The following FTCDNL1 variants were observed in gnomAD, a reference collection of about 807,000 sequenced individuals.
The protein encoded by FTCDNL1 is formiminotransferase N-terminal subdomain-containing protein.
FTCDNL1 carries 11 observed loss-of-function variants against 5.9 expected under a neutral mutation model. The ratio of observed to expected loss-of-function variants is 1.87; its 90% CI spans 1.18 to 3.10. The LOEUF is 3.10. FTCDNL1 is among the 30% of genes most tolerant of loss of function. The probability of loss-of-function intolerance (pLI) is 0.00; values close to 1 mark genes in which losing one functional copy is unlikely to be tolerated. For synonymous variants in FTCDNL1, 58 were observed against 24.8 expected (o/e 2.34, Z -3.99); for missense variants, 115 against 65.5 (o/e 1.76, Z -2.61).
chr2:199,782,428 A>G (rs1223035447), intron 3 of FTCDNL1, among the ~76,000 whole-genome samples: 1 of 152,144 alleles, frequency 6.6e-6, no homozygotes, highest in Non-Finnish European at 1.5e-5. Flanking sequence ...CCATCACCCC[A>G]CTATGTTCTT....
chr2:199,830,976 T>C (rs1380760485), intron 3 of FTCDNL1, among the ~76,000 whole-genome samples: 1 of 152,228 alleles, frequency 6.6e-6, no homozygotes, highest in Admixed American at 6.5e-5. Flanking sequence ...CTGTTTTTTC[T>C]TGAGGTAGCA....
At chr2:199,760,473 A>C (rs1698219523), downstream of FTCDNL1, 2 of 236,544 alleles carry the variant, frequency 8.5e-6, no homozygotes. Flanking sequence ...TAAACCAAAC[A>C]AACACAAATG....
At chr2:199,684,665 A>C in the FTCDNL1 span, among the ~76,000 whole-genome samples, 204 of 152,320 alleles carry the variant, frequency 1.3e-3, no homozygotes, top group Non-Finnish European at 2.2e-3. Flanking sequence ...ACAACATTGC[A>C]TAAGAACGTT....
chr2:199,826,021 A>G (rs911782780), intron 3 of FTCDNL1, among the ~76,000 whole-genome samples: 1 of 152,234 alleles, frequency 6.6e-6, no homozygotes, highest in Non-Finnish European at 1.5e-5. Flanking sequence ...GGGCTGCTGC[A>G]GTAGCCTAAA....
At chr2:199,705,925 A>C in the FTCDNL1 span, among the ~76,000 whole-genome samples, 1 of 152,202 alleles carries the variant, frequency 6.6e-6, no homozygotes, top group East Asian at 1.9e-4. Flanking sequence ...CTGGCTAACC[A>C]GGTGGTATGA....
intron 4 of FTCDNL1, among the ~76,000 whole-genome samples, chr2:199,817,995 A>T (rs1338112503): frequency 6.6e-6 from 1 of 152,216 alleles, no homozygotes; most frequent in South Asian, 2.1e-4. Context: ...TATGATTTTT[A>T]TATCAGGTTA....
At chr2:199,728,085 T>C in the FTCDNL1 span, among the ~76,000 whole-genome samples, 2 of 152,214 alleles carry the variant, frequency 1.3e-5, no homozygotes, top group Admixed American at 6.5e-5. Flanking sequence ...TGACTTCCTT[T>C]TAGGGACAGT....
intron 3 of FTCDNL1, among the ~76,000 whole-genome samples, chr2:199,768,312 T>TATATTC (rs55749109): frequency 0.46 from 69,579 of 151,664 alleles, 18,054 homozygotes; most frequent in East Asian, 0.72. Flanking sequence ...ATGAGCTTCT[T>TATATTC]ATAAGAACAC....
chr2:199,779,675 T>C (rs1311740264), intron 3 of FTCDNL1, among the ~76,000 whole-genome samples: 1 of 152,114 alleles, frequency 6.6e-6, no homozygotes, highest in Non-Finnish European at 1.5e-5. Context: ...AGCAAGGACA[T>C]AAGGACAATC....
At chr2:199,828,741 T>G (rs138899980) in intron 3 of FTCDNL1, among the ~76,000 whole-genome samples, 14 of 152,354 alleles carry the variant, frequency 9.2e-5, no homozygotes, top group African/African-American at 3.4e-4. Flanking sequence ...CAGAAGGCAG[T>G]GCCTTCTAGT....
At chr2:199,806,337 C>G (rs184554015), downstream of FTCDNL1, among the ~76,000 whole-genome samples, 224 of 152,324 alleles carry the variant, frequency 1.5e-3, no homozygotes, top group African/African-American at 5.1e-3. Flanking sequence ...GGGCTGTTCT[C>G]TGAAGTTTCT....
At chr2:199,686,774 T>C in the FTCDNL1 span, among the ~76,000 whole-genome samples, 1 of 152,174 alleles carries the variant, frequency 6.6e-6, no homozygotes, top group African/African-American at 2.4e-5. Flanking sequence ...GGTTATTACA[T>C]AGATAACAAA....
chr2:199,728,454 T>G, the FTCDNL1 span, among the ~76,000 whole-genome samples: 3 of 152,088 alleles, frequency 2.0e-5, no homozygotes, highest in African/African-American at 7.2e-5. Context: ...TTCACTGTGT[T>G]GGTCAGGATG....
At chr2:199,765,872 C>A (rs898984484) in intron 3 of FTCDNL1, among the ~76,000 whole-genome samples, 1 of 151,952 alleles carries the variant, frequency 6.6e-6, no homozygotes, top group East Asian at 1.9e-4. Context: ...AGCCCACCTG[C>A]TGTGGTTGTG....
At chr2:199,803,191 CAAAAAAAAAAA>C (rs71403491) in intron 3 of FTCDNL1, among the ~76,000 whole-genome samples, 3 of 70,652 alleles carry the variant, frequency 4.2e-5, no homozygotes, top group African/African-American at 1.8e-4. Context: ...AATACCGTCT[CAAAAAAAAAAA>C]AAAAAAAAAA....
chr2:199,738,731 A>C, the FTCDNL1 span, among the ~76,000 whole-genome samples: 1 of 152,218 alleles, frequency 6.6e-6, no homozygotes, highest in Non-Finnish European at 1.5e-5. Flanking sequence ...TTTGGTGTGA[A>C]TGCTGAATTC....
At chr2:199,709,019 A>T in the FTCDNL1 span, among the ~76,000 whole-genome samples, 1 of 152,116 alleles carries the variant, frequency 6.6e-6, no homozygotes, top group African/African-American at 2.4e-5. Flanking sequence ...CCTGTTCCCC[A>T]AGTGAAAATC....
intron 3 of FTCDNL1, among the ~76,000 whole-genome samples, chr2:199,798,203 A>AACT (rs1192997628): frequency 6.6e-6 from 1 of 152,194 alleles, no homozygotes; most frequent in African/African-American, 2.4e-5. Flanking sequence ...TGATTAAACC[A>AACT]ACTATACCTA....
intron 3 of FTCDNL1, among the ~76,000 whole-genome samples, chr2:199,799,099 G>A (rs548499040): frequency 6.6e-6 from 1 of 152,240 alleles, no homozygotes; most frequent in South Asian, 2.1e-4. Context: ...CCTGCCTGGG[G>A]AATTTGGCCC....
Sources: gnomAD v4.1 joint callset for allele counts (sites outside exome capture counted in the v4.1 genomes callset) on GRCh38, gnomAD v4.1.1 for gene constraint, MANE v1.5 for transcripts, NCBI Gene and HGNC (gene_info 2026-07-23, HGNC 2026-07-21) for gene names.